The following PPARGC1B variants were observed in gnomAD, a reference collection of about 807,000 sequenced individuals.
PPARGC1B encodes PPARG coactivator 1 beta, also known as peroxisome proliferator-activated receptor gamma coactivator 1-beta.
In PPARGC1B, 34 loss-of-function variants were observed where a neutral mutation model predicts 101.6. The observed-to-expected ratio is 0.33, with a 90% confidence interval of 0.25 to 0.45. PPARGC1B has a LOEUF of 0.45. Among genes scored for constraint, PPARGC1B ranks in the 20% least tolerant of loss-of-function variants. The pLI, the probability that PPARGC1B is intolerant of heterozygous loss-of-function variation, is 1.00. For synonymous variants in PPARGC1B, 548 were observed against 539.3 expected, an observed-to-expected ratio of 1.02 and a Z score of -0.22; for missense variants, 1,234 against 1,317.6, an observed-to-expected ratio of 0.94 and a Z score of 0.98.
intron 1 of PPARGC1B, among the ~76,000 whole-genome samples, chr5:149,812,195 A>G (rs1757890164): frequency 1.3e-5 from 2 of 152,152 alleles, no homozygotes; most frequent in South Asian, 2.1e-4. Flanking sequence ...GGCCCTTCCA[A>G]TGGTCTGGTT....
intron 1 of PPARGC1B, among the ~76,000 whole-genome samples, chr5:149,763,236 G>A (rs906314147): frequency 6.6e-6 from 1 of 152,242 alleles, no homozygotes; most frequent in Non-Finnish European, 1.5e-5. Context: ...CCTCAGGGGA[G>A]CTTCATCGTG....
chr5:149,823,805 T>C (rs1040564500), intron 2 of PPARGC1B, among the ~76,000 whole-genome samples: 1 of 152,162 alleles, frequency 6.6e-6, no homozygotes, highest in African/African-American at 2.4e-5. Flanking sequence ...AGAAGACTTT[T>C]GGTTTTACCC....
At chr5:149,747,414 C>T (rs1755130307) in intron 1 of PPARGC1B, among the ~76,000 whole-genome samples, 1 of 152,226 alleles carries the variant, frequency 6.6e-6, no homozygotes, top group African/African-American at 2.4e-5. Context: ...GAGAAAAATA[C>T]TTTTAGCACC....
At position 149,847,715 on chromosome 5, in the gene PPARGC1B, A is replaced by AG; in HGVS notation, c.*157_*158insG. On this transcript the variant is annotated 3_prime_UTR_variant, in exon 12 of 12. Coordinates refer to ENST00000309241, the MANE Select transcript of PPARGC1B (RefSeq NM_133263.4). ...AAACTGCTGTCCTTTAAAAAAAAAA[A>AG]AAATCAATGTTTACATTGAACAAAG... The AG allele has an allele frequency of 9.9e-6, 6 of 607,094 alleles. No homozygotes were observed. 37.6% of individuals were successfully genotyped at this position (607,094 alleles called of 1,614,324 possible).
chr5:149,735,513 C>G (rs1754670910), intron 1 of PPARGC1B, among the ~76,000 whole-genome samples: 1 of 152,182 alleles, frequency 6.6e-6, no homozygotes, highest in Admixed American at 6.5e-5. Flanking sequence ...TCATCGTCAT[C>G]ATCAGTGACG....
rs200815092 is a variant in PPARGC1B at position 149,820,479 on chromosome 5, T to C, written c.125T>C (p.Leu42Pro). ...EEQLYADFPE[L>P]DLSQLDASDF... is the part of the protein sequence containing the mutation. ...CAACTCTATGCTGACTTTCCAGAAC[T>C]TGACCTCTCCCAGCTGGATGCCAGC... Residue 42 changes from leucine (L) to proline (P), a missense_variant, in exon 2 of 12, where the codon CTT becomes CCT. This residue lies in a region of PPARGC1B where 734 missense variants were observed against 768.4 expected (regional missense o/e 0.96). Transcript: ENST00000309241. 6.2e-7 allele frequency: 1 copy of C among 1,614,076 alleles called. No homozygotes were observed. Among genetic ancestry groups the C allele is most frequent in the Non-Finnish European group, 8.5e-7 (1 of 1,180,012 alleles).
chr5:149,800,766 A>G (rs911773547), intron 1 of PPARGC1B, among the ~76,000 whole-genome samples: 5 of 152,218 alleles, frequency 3.3e-5, no homozygotes, highest in African/African-American at 1.2e-4. Flanking sequence ...AAGAGGGCCA[A>G]CCGATTGATC....
intron 1 of PPARGC1B, among the ~76,000 whole-genome samples, chr5:149,760,664 A>T (rs755489588): frequency 6.6e-5 from 10 of 152,242 alleles, no homozygotes; most frequent in Non-Finnish European, 1.5e-4. Flanking sequence ...TGCTATGCTT[A>T]TGTGACACAC....
Position 149,840,031 on chromosome 5 carries a change from T to A in PPARGC1B, c.2619-10T>A. 3 of 1,614,032 alleles carry A rather than the reference T, an allele frequency of 1.9e-6. No individual in the cohort carries two copies. Among genetic ancestry groups the A allele is most frequent in the Non-Finnish European group, 2.5e-6 (3 of 1,179,944 alleles). Reference sequence around the variant, plus strand: ...GAGTGAGTGCCTCTGCTTTGCTTGTTCACTGACAGATGTGAGAGCAGAGGG... The same window carrying A: ...GAGTGAGTGCCTCTGCTTTGCTTGTACACTGACAGATGTGAGAGCAGAGGG... On this transcript the variant is annotated splice_polypyrimidine_tract_variant and intron_variant, in intron 8 of 11. Coordinates refer to ENST00000309241, the MANE Select transcript of PPARGC1B (RefSeq NM_133263.4).
chr5:149,850,822 A>G lies in PPARGC1B; in HGVS notation c.*3264A>G, dbSNP rs1759737537. The G allele has an allele frequency of 6.6e-6, 1 of 151,774 alleles. No individual in the cohort carries two copies. Among genetic ancestry groups the G allele is most frequent in the Non-Finnish European group, 1.5e-5 (1 of 68,030 alleles). The allele number at this position is 151,774 out of a possible 1,614,324, so 9.4% of individuals were successfully genotyped here. ...GTGTTTTCCAAAAATGTCTGATCCA[A>G]CCACTAAGTGGAATTCTTCCATCTC... On this transcript the variant is annotated 3_prime_UTR_variant, in exon 12 of 12. Transcript: ENST00000309241.
chr5:149,743,599 A>G (rs1754986301), intron 1 of PPARGC1B, among the ~76,000 whole-genome samples: 1 of 152,180 alleles, frequency 6.6e-6, no homozygotes, highest in African/African-American at 2.4e-5. Flanking sequence ...TGAATGATGA[A>G]CAAATGCTGT....
chr5:149,845,660 CG>C, intron 10 of PPARGC1B, 99 bp from the exon 11 acceptor site: 1 of 1,287,564 alleles, frequency 7.8e-7, no homozygotes, highest in African/African-American at 1.5e-5. Context: ...ATGTGGGTAT[CG>C]AATCACTGTG....
chr5:149,836,810 C>T lies in PPARGC1B; in HGVS notation c.2355C>T (p.Ser785=). The T allele has an allele frequency of 6.2e-7, 1 of 1,613,498 alleles. No individual in the cohort carries two copies. The highest frequency in any genetic ancestry group is 1.1e-5 in the South Asian group (1 of 91,082). The change falls in exon 8 of 12, where the codon AGC becomes AGT. Residue 785 remains serine, a synonymous_variant. Coordinates refer to ENST00000309241, the MANE Select transcript of PPARGC1B (RefSeq NM_133263.4). ...LEEEDLASCK[S]PEYDTVFEDS... ...AGGAAGACCTGGCCTCCTGCAAGAG[C>T]CCTGAGTATGACACTGTCTTTGAAG...
chr5:149,842,355 G>A lies in PPARGC1B; in HGVS notation c.2794G>A (p.Glu932Lys), dbSNP rs757667276. The change falls in exon 10 of 12, where the codon GAG (glutamate) becomes AAG (lysine). Residue 932 changes from glutamate to lysine, a missense_variant. Glu to Lys is a moderately conservative substitution (Grantham distance 56, BLOSUM62 1). Transcript: ENST00000309241. ...FEVFGEIEECEVLTRNRRGEK... is the reference protein window; with the variant it reads ...FEVFGEIEECKVLTRNRRGEK... ...AGTGTTTGGTGAGATTGAGGAGTGC[G>A]AGGTGCTGACAAGAAATAGGAGGTG... 11 of 1,613,960 alleles carry A rather than the reference G, an allele frequency of 6.8e-6. No homozygotes were observed. Among genetic ancestry groups the A allele is most frequent in the Admixed American group, 3.3e-5 (2 of 59,996 alleles).
At chr5:149,846,043 C>A in intron 11 of PPARGC1B, 129 bp downstream of exon 11, 1 of 1,089,444 alleles carries the variant, frequency 9.2e-7, no homozygotes, top group Non-Finnish European at 1.4e-6. Flanking sequence ...CAGTGTGCTG[C>A]TTGGTATAAC....
intron 1 of PPARGC1B, among the ~76,000 whole-genome samples, chr5:149,789,865 A>T (rs1259560566): frequency 6.6e-6 from 1 of 152,162 alleles, no homozygotes; most frequent in Non-Finnish European, 1.5e-5. Flanking sequence ...ATGAAAATGG[A>T]GGTGAAATTG....
At chr5:149,794,138 A>G (rs895465143) in intron 1 of PPARGC1B, among the ~76,000 whole-genome samples, 1 of 152,188 alleles carries the variant, frequency 6.6e-6, no homozygotes, top group Admixed American at 6.5e-5. Context: ...CCAACTCCCA[A>G]TGATTTGAGC....
At chr5:149,755,739 G>A (rs1013528117) in intron 1 of PPARGC1B, among the ~76,000 whole-genome samples, 2 of 151,680 alleles carry the variant, frequency 1.3e-5, no homozygotes, top group African/African-American at 2.4e-5. Flanking sequence ...TGCCTCCAGG[G>A]TTCAAGCGAT....
At chr5:149,737,615 G>A (rs1270958326) in intron 1 of PPARGC1B, among the ~76,000 whole-genome samples, 2 of 152,210 alleles carry the variant, frequency 1.3e-5, no homozygotes, top group Non-Finnish European at 2.9e-5. Context: ...TTGGTTCTGC[G>A]ATTTGCCAGC....
Sources: gnomAD v4.1 joint callset for allele counts (sites outside exome capture counted in the v4.1 genomes callset) on GRCh38, gnomAD v4.1.1 for gene constraint, gnomAD v4.1.1 regional missense constraint, MANE v1.5 for transcripts, NCBI Gene and HGNC (gene_info 2026-07-23, HGNC 2026-07-21) for gene names.